Variants in KAZN observed in about 807,000 individuals in gnomAD.
KAZN encodes the protein kazrin.
In KAZN, 40 loss-of-function variants were observed where a neutral mutation model predicts 87.4. The observed-to-expected ratio is 0.46, with a 90% CI of 0.36 to 0.60. The LOEUF (loss-of-function observed/expected upper bound fraction) is 0.60, where lower values mean the gene tolerates loss of function less well. Ranked by LOEUF, KAZN falls within the 20% of genes least tolerant of loss-of-function variation. The pLI is 0.00. For synonymous variants in KAZN, 466 were observed against 458.3 expected, an observed-to-expected ratio of 1.02 and a Z score of -0.22; for missense variants, 898 against 1,073.9, an observed-to-expected ratio of 0.84 and a Z score of 2.29.
chr1:13,942,546 CAAAAAAAAAAAAAA>C (rs55784948), intron 1 of KAZN, among the ~76,000 whole-genome samples: 1 of 70,840 alleles, frequency 1.4e-5, no homozygotes, highest in Non-Finnish European at 2.6e-5. Flanking sequence ...GACTCCGTCT[CAAAAAAAAAAAAAA>C]AAAAAAAAAA....
chr1:15,101,029 C>T (rs1353107119), intron 10 of KAZN, among the ~76,000 whole-genome samples: 3 of 152,322 alleles, frequency 2.0e-5, no homozygotes, highest in Admixed American at 6.5e-5. Flanking sequence ...GGTGCTGCCT[C>T]CTGCCACACG....
At chr1:14,501,498 C>A (rs930759882) in intron 2 of KAZN, among the ~76,000 whole-genome samples, 1 of 152,042 alleles carries the variant, frequency 6.6e-6, no homozygotes, top group Non-Finnish European at 1.5e-5. Flanking sequence ...TATACATTAG[C>A]GATGTACTAT....
intron 1 of KAZN, among the ~76,000 whole-genome samples, chr1:14,609,209 T>A (rs1441212529): frequency 1.3e-5 from 2 of 152,196 alleles, no homozygotes; most frequent in African/African-American, 4.8e-5. Flanking sequence ...ATTCAGTGCA[T>A]CTTGAGATTT....
intron 1 of KAZN, among the ~76,000 whole-genome samples, chr1:14,670,402 G>A (rs1393430580): frequency 6.6e-6 from 1 of 152,186 alleles, no homozygotes; most frequent in Admixed American, 6.5e-5. Context: ...GCTTCAGTAG[G>A]TCTGAGGTGG....
chr1:14,443,640 G>A (rs759166172), intron 2 of KAZN, among the ~76,000 whole-genome samples: 2 of 152,204 alleles, frequency 1.3e-5, no homozygotes, highest in African/African-American at 2.4e-5. Flanking sequence ...GTCATTAATG[G>A]AGGAGAGCAT....
intron 1 of KAZN, among the ~76,000 whole-genome samples, chr1:14,108,658 C>T (rs1018201848): frequency 2.0e-5 from 3 of 152,140 alleles, no homozygotes; most frequent in Admixed American, 6.5e-5. Flanking sequence ...TCTATCTGTG[C>T]CTTGTCCTCT....
intron 1 of KAZN, among the ~76,000 whole-genome samples, chr1:14,623,905 G>A (rs141917746): frequency 6.6e-6 from 1 of 152,088 alleles, no homozygotes; most frequent in Non-Finnish European, 1.5e-5. Context: ...CATATATTTT[G>A]TGTAACTTAA....
At chr1:15,036,630 G>C (rs983049440) in intron 3 of KAZN, among the ~76,000 whole-genome samples, 4 of 152,110 alleles carry the variant, frequency 2.6e-5, no homozygotes, top group African/African-American at 9.7e-5. Context: ...CGCTCCTTAG[G>C]GTGAGGCTGT....
At chr1:13,964,714 G>A (rs577770324) in intron 1 of KAZN, among the ~76,000 whole-genome samples, 1 of 152,310 alleles carries the variant, frequency 6.6e-6, no homozygotes, top group South Asian at 2.1e-4. Flanking sequence ...CATTCTGTCA[G>A]CCAAAGCAAG....
At chr1:14,416,210 CCT>C (rs1275232161) in intron 2 of KAZN, among the ~76,000 whole-genome samples, 7 of 152,248 alleles carry the variant, frequency 4.6e-5, no homozygotes, top group African/African-American at 1.4e-4. Context: ...CTAAGCACCC[CCT>C]GATTATGTGT....
chr1:14,242,042 C>T (rs138180440), intron 2 of KAZN, among the ~76,000 whole-genome samples: 3 of 152,272 alleles, frequency 2.0e-5, no homozygotes, highest in Non-Finnish European at 2.9e-5. Flanking sequence ...TATTTTCTGA[C>T]CTGTTGCTCC....
At chr1:14,839,728 T>C (rs1441979776) in intron 1 of KAZN, among the ~76,000 whole-genome samples, 1 of 152,184 alleles carries the variant, frequency 6.6e-6, no homozygotes, top group African/African-American at 2.4e-5. Flanking sequence ...GGACTATTTT[T>C]CTCTGACTAA....
At chr1:14,914,916 C>T (rs1270680852) in intron 1 of KAZN, among the ~76,000 whole-genome samples, 3 of 151,112 alleles carry the variant, frequency 2.0e-5, no homozygotes, top group Admixed American at 1.3e-4. Context: ...ATTGGCCAGG[C>T]GCGGTGGCTC....
intron 2 of KAZN, among the ~76,000 whole-genome samples, chr1:14,425,090 C>T (rs187918294): frequency 6.6e-6 from 1 of 152,284 alleles, no homozygotes; most frequent in East Asian, 1.9e-4. Context: ...CAGTGGGATG[C>T]AGAGAGGAGG....
chr1:14,117,602 G>A (rs1644655235), intron 1 of KAZN, among the ~76,000 whole-genome samples: 1 of 152,126 alleles, frequency 6.6e-6, no homozygotes. Flanking sequence ...CAGCAGGTCT[G>A]AAATCAGGGG....
At chr1:14,329,228 C>G (rs1204022689) in intron 2 of KAZN, among the ~76,000 whole-genome samples, 4 of 152,056 alleles carry the variant, frequency 2.6e-5, no homozygotes, top group African/African-American at 9.7e-5. Flanking sequence ...AGCTTGTAAC[C>G]TACTAGATTA....
intron 2 of KAZN, among the ~76,000 whole-genome samples, chr1:14,443,651 G>A (rs1381722088): frequency 1.3e-5 from 2 of 152,202 alleles, no homozygotes; most frequent in African/African-American, 4.8e-5. Context: ...AGGAGAGCAT[G>A]TTTTCTTAAT....
rs374500276 is a variant in KAZN at position 14,190,279 on chromosome 1, A to G, written c.249+9687A>G. Among the ~76,000 whole-genome samples the G allele has an allele frequency of 1.2e-4, 19 of 152,276 alleles. No individual in the cohort carries two copies. In the East Asian group the frequency reaches 2.9e-3, roughly 23 times the overall value. ...ATGTGAAAAATAAAGGTAGTGAAAG[A>G]TTATTGAGTACTTACTAGACGCCAA... On this transcript the variant is annotated intron_variant, in intron 2 of 16. Coordinates refer to the KAZN transcript ENST00000636203.
In KAZN at chr1:14,432,122, G is replaced by A. The variant is rs567055650; in HGVS notation, c.250-166861G>A. ...CATCCTCAACTCTGATCTTTTCCCC[G>A]CAAGCCTACTAGCAGCAGGGAGTGA... On this transcript the variant is annotated intron_variant, in intron 2 of 16. Coordinates refer to the KAZN transcript ENST00000636203. Among the ~76,000 whole-genome samples, 56 of 152,186 alleles carry A rather than the reference G, an allele frequency of 3.7e-4. 1 individual carries two copies. The South Asian group carries it at 7.9e-3, about 21-fold the overall frequency.
Sources: allele counts gnomAD v4.1 joint callset (sites outside exome capture counted in the v4.1 genomes callset), GRCh38; gene constraint gnomAD v4.1.1; transcripts MANE v1.5; gene names NCBI Gene and HGNC (gene_info 2026-07-23, HGNC 2026-07-21).